Variants in NAPB observed in about 807,000 individuals in gnomAD.
NAPB encodes NSF attachment protein beta.
A neutral mutation model predicts 44.7 loss-of-function variants in NAPB; 26 were observed. The observed-to-expected ratio is 0.58, with a 90% CI of 0.43 to 0.81. The LOEUF (loss-of-function observed/expected upper bound fraction) is 0.81, where lower values mean the gene tolerates loss of function less well. Among genes scored for constraint, NAPB ranks in the 30% least tolerant of loss-of-function variants. The pLI is 0.00. For missense variants in NAPB, 315 were observed against 356.4 expected (o/e 0.88, Z 0.94); for synonymous variants, 120 against 116.8 (o/e 1.03, Z -0.18).
intron 2 of NAPB, 45 bp from the exon 3 acceptor site, chr20:23,397,233 C>A (rs200282513): frequency 8.2e-6 from 13 of 1,576,504 alleles, no homozygotes; most frequent in East Asian, 2.3e-5. Flanking sequence ...AAGTCCCCCC[C>A]AGAGCAGCCC....
chr20:23,375,972 GC>G lies in NAPB; in HGVS notation c.*1403del, dbSNP rs1229537046. 2.0e-5 allele frequency: 3 copies of G among 152,072 alleles called. No individual in the cohort carries two copies. Among genetic ancestry groups the G allele is most frequent in the Non-Finnish European group, 4.4e-5 (3 of 68,054 alleles). 9.4% of individuals were successfully genotyped at this position (152,072 alleles called of 1,614,324 possible). The stretch of plus-strand genomic sequence containing the variant: ...TCAAACAACCTGCAGTCGACCCTTG[GC>G]CTGGAAACACTACCAATTCCAGTTG... On this transcript the variant is annotated 3_prime_UTR_variant, in exon 11 of 11. Transcript: ENST00000377026.
chr20:23,389,314 G>A (rs183394857), intron 7 of NAPB, among the ~76,000 whole-genome samples: 12 of 151,390 alleles, frequency 7.9e-5, no homozygotes, highest in African/African-American at 1.5e-4. Context: ...TAGTGGGAAG[G>A]TATAATGGTG....
chr20:23,384,721 A>C (rs553688808), intron 7 of NAPB, among the ~76,000 whole-genome samples: 2 of 152,346 alleles, frequency 1.3e-5, no homozygotes, highest in Admixed American at 1.3e-4. Context: ...GCAAAAACTA[A>C]AATGGCAGAA....
At chr20:23,378,046 C>G (rs181048986) in intron 10 of NAPB, among the ~76,000 whole-genome samples, 1 of 151,856 alleles carries the variant, frequency 6.6e-6, no homozygotes, top group Non-Finnish European at 1.5e-5. Context: ...TGTAGTGGCT[C>G]ATGCCTGTAA....
chr20:23,379,256 A>T (rs1982805083), intron 10 of NAPB, 189 bp downstream of exon 10: 10 of 477,378 alleles, frequency 2.1e-5, no homozygotes, highest in Non-Finnish European at 3.7e-5. Context: ...GTGTAAGTCG[A>T]ATCTCAGCAT....
rs1018259465 is a variant in NAPB, at chr20:23,376,977, T to C, written c.*399A>G. On this transcript the variant is annotated 3_prime_UTR_variant, in exon 11 of 11. Coordinates refer to ENST00000377026, the MANE Select transcript of NAPB (RefSeq NM_022080.3). ...AAACTAAACACACATTTAAAGAACATATTCAGATGCCAAAGCACAGAGAAA... is the reference window on the plus strand; with the variant it reads ...AAACTAAACACACATTTAAAGAACACATTCAGATGCCAAAGCACAGAGAAA... 6 of 153,316 alleles carry C rather than the reference T, an allele frequency of 3.9e-5. No individual in the cohort carries two copies. Among genetic ancestry groups the C allele is most frequent in the South Asian group, 2.1e-4 (1 of 4,850 alleles). The allele number at this position is 153,316 out of a possible 1,614,324, so 9.5% of individuals were successfully genotyped here.
chr20:23,394,136 A>G (rs562792555), intron 5 of NAPB, among the ~76,000 whole-genome samples: 1 of 152,316 alleles, frequency 6.6e-6, no homozygotes, highest in African/African-American at 2.4e-5. Flanking sequence ...GACTGTCAGC[A>G]GTAGAGAAAC....
At chr20:23,418,807 CG>C in intron 1 of NAPB, among the ~76,000 whole-genome samples, 1 of 150,818 alleles carries the variant, frequency 6.6e-6, no homozygotes, top group Non-Finnish European at 1.5e-5. Context: ...ATTAGCCGGG[CG>C]TGGTGGCGGG....
At chr20:23,411,638 T>TAA (rs35311017) in intron 1 of NAPB, among the ~76,000 whole-genome samples, 40,753 of 150,714 alleles carry the variant, frequency 0.27, 5,578 homozygotes, top group Middle Eastern at 0.37. Context: ...ACAAACAGCT[T>TAA]AAAAAAAAAG....
At chr20:23,400,979 G>A (rs1288520739) in intron 2 of NAPB, among the ~76,000 whole-genome samples, 1 of 151,660 alleles carries the variant, frequency 6.6e-6, no homozygotes, top group South Asian at 2.1e-4. Context: ...AACAGTGTTG[G>A]AGAAAGAAAA....
In NAPB at chr20:23,379,912, T is replaced by A. The variant is rs771272689; in HGVS notation, c.690A>T (p.Glu230Asp). The change falls in exon 9 of 11, where the codon GAA becomes GAT. Residue 230 changes from glutamate to aspartate, a missense_variant. By Grantham distance (45) the Glu-to-Asp change is conservative (BLOSUM62 2). Transcript: ENST00000377026. ...NAKLALEKYE[E>D]MFPAFTDSRE... is the part of the protein sequence containing the mutation. ...TTGAATCAGTAAATGCTGGAAACAT[T>A]TCCTCATATTTCTCAAGAGCAAGCT... 1.2e-6 allele frequency: 2 copies of A among 1,613,176 alleles called. No individual in the cohort carries two copies. The highest frequency in any genetic ancestry group is 1.7e-6 in the Non-Finnish European group (2 of 1,179,456).
intron 1 of NAPB, among the ~76,000 whole-genome samples, chr20:23,408,532 C>A (rs1001150700): frequency 8.5e-5 from 13 of 152,244 alleles, no homozygotes; most frequent in Non-Finnish European, 1.8e-4. Context: ...ATTATAGGCT[C>A]TATAAACAAT....
Position 23,401,635 on chromosome 20 carries a change from C to A in NAPB, c.178+1358G>T, listed in dbSNP as rs193223280. 1.8e-3 allele frequency among the ~76,000 whole-genome samples: 281 copies of A among 152,314 alleles called. 2 individuals carry two copies. Among genetic ancestry groups the A allele is most frequent in the African/African-American group, 6.6e-3 (273 of 41,568 alleles). ...GTGGTTCATGCCTATAATCCCAGCA[C>A]TTTGGGAGGCCGAGGTGGGTGGATC... On this transcript the variant is annotated intron_variant, in intron 2 of 10. Coordinates refer to ENST00000377026, the MANE Select transcript of NAPB (RefSeq NM_022080.3).
At chr20:23,392,693 T>TA (rs1442356142) in intron 5 of NAPB, among the ~76,000 whole-genome samples, 10 of 151,534 alleles carry the variant, frequency 6.6e-5, no homozygotes, top group South Asian at 2.1e-4. Context: ...GTTTTTTTTT[T>TA]TATATTTTTA....
intron 7 of NAPB, among the ~76,000 whole-genome samples, chr20:23,382,806 G>A (rs76843131): frequency 0.02 from 3,065 of 152,236 alleles, 105 homozygotes; most frequent in African/African-American, 0.07. Flanking sequence ...GGACCCATGG[G>A]ATAATAAAAC....
intron 7 of NAPB, among the ~76,000 whole-genome samples, chr20:23,386,384 C>T (rs1304370036): frequency 4.6e-5 from 7 of 152,136 alleles, no homozygotes; most frequent in Admixed American, 4.6e-4. Context: ...GGAATTCACA[C>T]CAATCCTTTA....
chr20:23,416,293 G>T (rs1257514961), intron 1 of NAPB, among the ~76,000 whole-genome samples: 4 of 152,108 alleles, frequency 2.6e-5, no homozygotes, highest in Non-Finnish European at 5.9e-5. Context: ...AATGCAACAA[G>T]AAAAAGGCCA....
intron 1 of NAPB, among the ~76,000 whole-genome samples, chr20:23,405,292 A>G (rs1209123362): frequency 6.6e-6 from 1 of 150,600 alleles, no homozygotes; most frequent in East Asian, 2.0e-4. Context: ...AAGAAAAGAA[A>G]GAAAGAGAGA....
At chr20:23,393,314 A>C (rs1984108989) in intron 5 of NAPB, among the ~76,000 whole-genome samples, 1 of 152,224 alleles carries the variant, frequency 6.6e-6, no homozygotes, top group South Asian at 2.1e-4. Context: ...TTATAAAAAA[A>C]AAAGGTCAAA....
Sources: gnomAD v4.1 joint callset for allele counts (sites outside exome capture counted in the v4.1 genomes callset) on GRCh38, gnomAD v4.1.1 for gene constraint, MANE v1.5 for transcripts, NCBI Gene and HGNC (gene_info 2026-07-23, HGNC 2026-07-21) for gene names.